THEMIS: variants seen among roughly 807,000 people sequenced by gnomAD.
THEMIS encodes protein THEMIS.
In THEMIS, 37 loss-of-function variants were observed where a neutral mutation model predicts 52.6. The observed-to-expected ratio is 0.70, with a 90% CI of 0.54 to 0.93. THEMIS has a LOEUF of 0.93. Among genes scored for constraint, THEMIS ranks in the 40% least tolerant of loss-of-function variants. The probability of loss-of-function intolerance (pLI) is 0.00; values close to 1 mark genes in which losing one functional copy is unlikely to be tolerated. For missense variants in THEMIS, 808 were observed against 763.1 expected (o/e 1.06, Z -0.69); for synonymous variants, 292 against 272.7 (o/e 1.07, Z -0.70).
At chr6:127,802,642 G>A (rs971779447) in intron 4 of THEMIS, among the ~76,000 whole-genome samples, 8 of 152,182 alleles carry the variant, frequency 5.3e-5, no homozygotes, top group Non-Finnish European at 1.5e-5. Context: ...ACTAATTTGA[G>A]TTATAAAAAA....
intron 1 of THEMIS, among the ~76,000 whole-genome samples, chr6:127,871,036 A>T (rs1490623947): frequency 2.0e-5 from 3 of 152,158 alleles, no homozygotes; most frequent in Non-Finnish European, 4.4e-5. Context: ...ACAGCAAAAT[A>T]CACATTGGTT....
intron 4 of THEMIS, among the ~76,000 whole-genome samples, chr6:127,802,786 C>T (rs1777579684): frequency 1.3e-5 from 2 of 152,184 alleles, no homozygotes; most frequent in South Asian, 4.1e-4. Context: ...TGCAGTGAAT[C>T]TTTCTCCCAT....
At chr6:127,895,912 A>C (rs1017657514) in intron 1 of THEMIS, among the ~76,000 whole-genome samples, 2 of 151,366 alleles carry the variant, frequency 1.3e-5, no homozygotes, top group Non-Finnish European at 3.0e-5. Flanking sequence ...TTACAAAAAA[A>C]TAAAAACTAT....
intron 3 of THEMIS, among the ~76,000 whole-genome samples, chr6:127,817,336 G>T (rs1778170127): frequency 6.6e-6 from 1 of 151,722 alleles, no homozygotes; most frequent in African/African-American, 2.4e-5. Flanking sequence ...AATTTCACTG[G>T]AAAAAAAAGT....
chr6:127,715,538 A>C (rs1289346642), intron 5 of THEMIS, among the ~76,000 whole-genome samples: 2 of 151,892 alleles, frequency 1.3e-5, no homozygotes, highest in Non-Finnish European at 2.9e-5. Context: ...CTAATCCTCA[A>C]AATGGTCCTG....
chr6:127,718,118 C>T (rs1002046325), intron 5 of THEMIS, among the ~76,000 whole-genome samples: 2 of 151,580 alleles, frequency 1.3e-5, no homozygotes, highest in African/African-American at 4.8e-5. Context: ...TATTTTTGCT[C>T]TACTTTTGTA....
At chr6:127,865,590 T>C (rs993307224) in intron 1 of THEMIS, among the ~76,000 whole-genome samples, 2 of 152,176 alleles carry the variant, frequency 1.3e-5, no homozygotes, top group Non-Finnish European at 2.9e-5. Flanking sequence ...ATACAGCTTA[T>C]ACTGCCTTGT....
intron 1 of THEMIS, among the ~76,000 whole-genome samples, chr6:127,872,824 C>T (rs902088355): frequency 6.6e-6 from 1 of 151,946 alleles, no homozygotes; most frequent in African/African-American, 2.4e-5. Context: ...AAATCATACA[C>T]CTTGGAAAGG....
intron 1 of THEMIS, among the ~76,000 whole-genome samples, chr6:127,859,681 A>G (rs1183422496): frequency 2.6e-5 from 4 of 152,156 alleles, no homozygotes; most frequent in South Asian, 4.1e-4. Flanking sequence ...CAAGTGAAGT[A>G]TATACAAGCT....
chr6:127,853,438 A>G (rs1370166598), intron 2 of THEMIS, among the ~76,000 whole-genome samples: 1 of 151,656 alleles, frequency 6.6e-6, no homozygotes, highest in East Asian at 1.9e-4. Context: ...GAACATCAGA[A>G]TTTTTTAAAG....
At chr6:127,722,223 A>G (rs957545842) in intron 4 of THEMIS, among the ~76,000 whole-genome samples, 3 of 152,002 alleles carry the variant, frequency 2.0e-5, no homozygotes, top group African/African-American at 7.2e-5. Context: ...CTTCTCTTTT[A>G]CATTACATAT....
intron 1 of THEMIS, among the ~76,000 whole-genome samples, chr6:127,856,004 G>C (rs183662321): frequency 3.4e-3 from 513 of 151,940 alleles, no homozygotes; most frequent in African/African-American, 0.011. Context: ...TATATCTCTG[G>C]CATATTATTG....
chr6:127,852,765 C>A (rs949598428), intron 2 of THEMIS, among the ~76,000 whole-genome samples: 99 of 151,588 alleles, frequency 6.5e-4, no homozygotes, highest in African/African-American at 2.3e-3. Flanking sequence ...AGAATTATCC[C>A]TGTATCTGGG....
intron 4 of THEMIS, among the ~76,000 whole-genome samples, chr6:127,796,140 A>T (rs893684376): frequency 1.3e-5 from 2 of 152,226 alleles, no homozygotes; most frequent in African/African-American, 4.8e-5. Flanking sequence ...ATAGAACTAA[A>T]TATGAGAATG....
intron 3 of THEMIS, among the ~76,000 whole-genome samples, chr6:127,820,902 C>T (rs1419450628): frequency 1.3e-5 from 2 of 152,078 alleles, no homozygotes; most frequent in East Asian, 3.9e-4. Context: ...TTGGCAATGA[C>T]ATCCTCAAGT....
intron 2 of THEMIS, among the ~76,000 whole-genome samples, chr6:127,854,667 A>C (rs1394196966): frequency 6.6e-6 from 1 of 151,848 alleles, no homozygotes; most frequent in Non-Finnish European, 1.5e-5. Flanking sequence ...AATAGCAAAG[A>C]GGGTAGATAG....
intron 2 of THEMIS, among the ~76,000 whole-genome samples, chr6:127,852,645 G>T (rs1200708289): frequency 6.6e-6 from 1 of 151,364 alleles, no homozygotes; most frequent in African/African-American, 2.4e-5. Flanking sequence ...AAATCTAATT[G>T]GGAACTTAAA....
At chr6:127,865,507 CTACATATCCTCTCAG>C (rs774730744) in intron 1 of THEMIS, among the ~76,000 whole-genome samples, 2 of 152,144 alleles carry the variant, frequency 1.3e-5, no homozygotes, top group Non-Finnish European at 2.9e-5. Context: ...AAAAAGATTA[CTACATATCCTCTCAG>C]TAGAGAGCTA....
chr6:127,864,323 GC>G (rs1322614787), intron 1 of THEMIS, among the ~76,000 whole-genome samples: 1 of 151,884 alleles, frequency 6.6e-6, no homozygotes, highest in Admixed American at 6.6e-5. Context: ...TACTCTTTGT[GC>G]CAGATCAGAA....
Sources: allele counts gnomAD v4.1 joint callset (sites outside exome capture counted in the v4.1 genomes callset), GRCh38; gene constraint gnomAD v4.1.1; transcripts MANE v1.5; gene names NCBI Gene and HGNC (gene_info 2026-07-23, HGNC 2026-07-21).